BFSP2: variants seen among roughly 807,000 people sequenced by gnomAD.
BFSP2 encodes the protein phakinin.
BFSP2 carries 38 observed loss-of-function variants against 44.9 expected under a neutral mutation model. That is an observed-to-expected ratio of 0.85 (90% CI 0.65 to 1.11). BFSP2 has a LOEUF of 1.11. Ranked by LOEUF, BFSP2 falls within the 50% of genes least tolerant of loss-of-function variation. The pLI, the probability that BFSP2 is intolerant of heterozygous loss-of-function variation, is 0.00. For synonymous variants in BFSP2, 197 were observed against 209.9 expected, an observed-to-expected ratio of 0.94 and a Z score of 0.53; for missense variants, 525 against 533.0, an observed-to-expected ratio of 0.99 and a Z score of 0.15.
intron 4 of BFSP2, among the ~76,000 whole-genome samples, chr3:133,453,360 G>C (rs2073983064): frequency 6.6e-6 from 1 of 152,226 alleles, no homozygotes; most frequent in South Asian, 2.1e-4. Flanking sequence ...TCGGACCACA[G>C]AGGCTGAAAA....
chr3:133,462,723 A>G (rs193238464), intron 4 of BFSP2, among the ~76,000 whole-genome samples: 1 of 152,372 alleles, frequency 6.6e-6, no homozygotes, highest in East Asian at 1.9e-4. Context: ...TGCTATTTCA[A>G]TTACACCTAT....
chr3:133,428,211 G>C (rs1205282540), intron 1 of BFSP2, among the ~76,000 whole-genome samples: 1 of 152,154 alleles, frequency 6.6e-6, no homozygotes, highest in Non-Finnish European at 1.5e-5. Flanking sequence ...CCAAGCCTAG[G>C]GTTCTCTTGT....
chr3:133,434,129 GTAAA>G lies in BFSP2; in HGVS notation c.490-13180_490-13177del, dbSNP rs749127677. ...CAAACCGCCACTCTAAACTCTTGAA[GTAAA>G]TAAATAATTTTTGCTGGCAGGACTA... On this transcript the variant is annotated intron_variant, in intron 1 of 6. Coordinates refer to ENST00000302334, the MANE Select transcript of BFSP2 (RefSeq NM_003571.4). Among the ~76,000 whole-genome samples, 878 of 152,326 alleles carry G rather than the reference GTAAA, an allele frequency of 5.8e-3. 2 individuals carry two copies. The highest frequency in any genetic ancestry group is 9.5e-3 in the Non-Finnish European group (644 of 68,038).
At chr3:133,461,600 GA>G (rs770223332) in intron 4 of BFSP2, among the ~76,000 whole-genome samples, 79 of 152,174 alleles carry the variant, frequency 5.2e-4, no homozygotes, top group Non-Finnish European at 9.6e-4. Context: ...AATGGAAACA[GA>G]AATAGAGTTA....
chr3:133,467,673 C>A (rs1429445396), intron 5 of BFSP2, among the ~76,000 whole-genome samples: 1 of 152,106 alleles, frequency 6.6e-6, no homozygotes, highest in Non-Finnish European at 1.5e-5. Context: ...GCAATCCACC[C>A]TCTGATCTCT....
Position 133,456,036 on chromosome 3 carries a change from A to G in BFSP2, c.891+5572A>G, listed in dbSNP as rs577592723. Among the ~76,000 whole-genome samples the G allele has an allele frequency of 2.6e-5, 4 of 152,308 alleles. No homozygotes were observed. The South Asian group carries it at 8.3e-4, about 32-fold the overall frequency. On this transcript the variant is annotated intron_variant, in intron 4 of 6. Transcript: ENST00000302334. ...CCTGCTGCAACTGGTTGATGTATAC[A>G]ATACCCAAAGGCTTAATCAATCACC...
chr3:133,458,420 G>A (rs1312737184), intron 4 of BFSP2, among the ~76,000 whole-genome samples: 9 of 152,204 alleles, frequency 5.9e-5, no homozygotes, highest in Admixed American at 3.9e-4. Flanking sequence ...CAGGCTGGGT[G>A]TGGTGGCTCA....
chr3:133,466,583 G>A (rs1266726500), intron 4 of BFSP2, among the ~76,000 whole-genome samples: 3 of 143,386 alleles, frequency 2.1e-5, no homozygotes, highest in Non-Finnish European at 3.0e-5. Context: ...CTCGAGGCAG[G>A]AGAATCGCTT....
At chr3:133,429,020 G>GT (rs1159229641) in intron 1 of BFSP2, among the ~76,000 whole-genome samples, 2 of 95,356 alleles carry the variant, frequency 2.1e-5, no homozygotes, top group Non-Finnish European at 2.5e-5. Flanking sequence ...AGTGTTATTT[G>GT]TTAAAAAACC....
intron 6 of BFSP2, among the ~76,000 whole-genome samples, chr3:133,474,221 C>A (rs1476237056): frequency 6.6e-6 from 1 of 152,206 alleles, no homozygotes; most frequent in African/African-American, 2.4e-5. Flanking sequence ...CCCTCCAAGA[C>A]TCCTTGTCTG....
chr3:133,420,864 C>T (rs1461509977), intron 1 of BFSP2, among the ~76,000 whole-genome samples: 1 of 152,188 alleles, frequency 6.6e-6, no homozygotes, highest in African/African-American at 2.4e-5. Context: ...TCTCACCCAT[C>T]TCTCCCCCAG....
intron 4 of BFSP2, among the ~76,000 whole-genome samples, chr3:133,451,110 CAAA>C (rs55964213): frequency 1.1e-5 from 1 of 95,096 alleles, no homozygotes. Flanking sequence ...GACTCTGTCT[CAAA>C]AAAAAAAAAA....
intron 1 of BFSP2, among the ~76,000 whole-genome samples, chr3:133,432,998 T>C (rs1046949288): frequency 1.1e-4 from 17 of 152,230 alleles, no homozygotes; most frequent in African/African-American, 3.9e-4. Flanking sequence ...CAACTCACTC[T>C]CTACATTTCT....
chr3:133,427,403 G>A lies in BFSP2; in HGVS notation c.490-19914G>A, dbSNP rs565661534. 2.7e-3 allele frequency among the ~76,000 whole-genome samples: 413 copies of A among 152,334 alleles called. 3 individuals are homozygous for A. Among genetic ancestry groups the A allele is most frequent in the Non-Finnish European group, 5.0e-3 (342 of 68,034 alleles). ...GGTAAAGAAACTGAAGCTCAGCAGTGATAAATACGATGTCTGGTGAAAAGC... is the reference window on the plus strand; with the variant it reads ...GGTAAAGAAACTGAAGCTCAGCAGTAATAAATACGATGTCTGGTGAAAAGC... On this transcript the variant is annotated intron_variant, in intron 1 of 6. Transcript: ENST00000302334.
chr3:133,458,217 GATC>G lies in BFSP2; in HGVS notation c.891+7756_891+7758del, dbSNP rs2074030555. ...CAAATTGCTTTTGTGTGTACTAGCAGATCATATCTTTTGCCCATTTGGGTTACT... is the reference window on the plus strand; with the variant it reads ...CAAATTGCTTTTGTGTGTACTAGCAGATATCTTTTGCCCATTTGGGTTACT... On this transcript the variant is annotated intron_variant, in intron 4 of 6. Coordinates refer to ENST00000302334, the MANE Select transcript of BFSP2 (RefSeq NM_003571.4). Among the ~76,000 whole-genome samples the G allele has an allele frequency of 2.0e-5, 3 of 152,332 alleles. No homozygotes were observed. In the South Asian group the frequency reaches 6.2e-4, roughly 32 times the overall value.
intron 1 of BFSP2, among the ~76,000 whole-genome samples, chr3:133,436,837 T>C (rs1408967101): frequency 6.6e-6 from 1 of 152,174 alleles, no homozygotes; most frequent in Non-Finnish European, 1.5e-5. Flanking sequence ...TTACCACCTA[T>C]GAGTGAGAAC....
intron 4 of BFSP2, among the ~76,000 whole-genome samples, chr3:133,461,153 T>A (rs2074058290): frequency 1.3e-5 from 2 of 152,148 alleles, no homozygotes; most frequent in African/African-American, 4.8e-5. Context: ...ATCAGCAAAG[T>A]GGGTCAGGCT....
chr3:133,453,263 C>T (rs925324588), intron 4 of BFSP2, among the ~76,000 whole-genome samples: 4 of 152,280 alleles, frequency 2.6e-5, no homozygotes, highest in South Asian at 2.1e-4. Context: ...GGTTTCTTGG[C>T]GGCATAGCAT....
At chr3:133,454,461 C>T (rs2073995171) in intron 4 of BFSP2, among the ~76,000 whole-genome samples, 1 of 152,212 alleles carries the variant, frequency 6.6e-6, no homozygotes, top group African/African-American at 2.4e-5. Context: ...TCAATCCTGA[C>T]ACTACCTGCC....
Sources: gnomAD v4.1 joint callset for allele counts (sites outside exome capture counted in the v4.1 genomes callset) on GRCh38, gnomAD v4.1.1 for gene constraint, MANE v1.5 for transcripts, NCBI Gene and HGNC (gene_info 2026-07-23, HGNC 2026-07-21) for gene names.